The following COBLL1 variants were observed in gnomAD, a reference collection of about 807,000 sequenced individuals.
The protein encoded by COBLL1 is cordon-bleu WH2 repeat protein like 1.
A neutral mutation model predicts 94.8 loss-of-function variants in COBLL1; 50 were observed. The observed-to-expected ratio is 0.53, with a 90% CI of 0.42 to 0.67. The LOEUF (loss-of-function observed/expected upper bound fraction) is 0.67. Ranked by LOEUF, COBLL1 falls within the 30% of genes least tolerant of loss-of-function variation. The pLI is 0.00. For synonymous variants in COBLL1, 448 were observed against 473.8 expected, an observed-to-expected ratio of 0.95 and a Z score of 0.71; for missense variants, 1,362 against 1,348.7, an observed-to-expected ratio of 1.01 and a Z score of -0.15.
At chr2:164,708,772 C>A (rs1380659962) in intron 7 of COBLL1, among the ~76,000 whole-genome samples, 1 of 152,192 alleles carries the variant, frequency 6.6e-6, no homozygotes, top group African/African-American at 2.4e-5. Flanking sequence ...TAAGTGGTAG[C>A]TTAAAGCATG....
At position 164,688,014 on chromosome 2, in the gene COBLL1, T is replaced by A. The variant is rs568761228; in HGVS notation, c.3301-1982A>T. On this transcript the variant is annotated intron_variant, in intron 13 of 13. Coordinates refer to ENST00000652658, the MANE Select transcript of COBLL1 (RefSeq NM_001365672.2). ...ACAAATAATGAACAAATAAGCTACG[T>A]CACATTCATAAAGTCAAATACTATG... is the stretch of plus-strand genomic sequence containing the variant. 2.0e-5 allele frequency among the ~76,000 whole-genome samples: 3 copies of A among 152,220 alleles called. No individual in the cohort carries two copies. In the East Asian group the frequency reaches 5.8e-4, roughly 29 times the overall value.
intron 2 of COBLL1, among the ~76,000 whole-genome samples, chr2:164,789,158 G>C (rs929924297): frequency 7.2e-5 from 11 of 151,856 alleles, no homozygotes; most frequent in Non-Finnish European, 1.6e-4. Context: ...GCCTGGACAA[G>C]TCCTGGACTC....
chr2:164,766,837 T>C (rs777947753), intron 2 of COBLL1, among the ~76,000 whole-genome samples: 1 of 152,166 alleles, frequency 6.6e-6, no homozygotes, highest in Non-Finnish European at 1.5e-5. Flanking sequence ...CCAACAGATA[T>C]TCAAGAACCA....
rs1032371843 is a variant in COBLL1 at position 164,683,646 on chromosome 2, C to A, written c.*2300G>T. ...AGTCTTTCTTGGTTCCCACAGGTAA[C>A]CACCAGCAAATTTTTTTCCTACATA... is the stretch of plus-strand genomic sequence containing the variant. On this transcript the variant is annotated 3_prime_UTR_variant, in exon 14 of 14. Coordinates refer to ENST00000652658, the MANE Select transcript of COBLL1 (RefSeq NM_001365672.2). 6.6e-6 allele frequency: 1 copy of A among 152,054 alleles called. No individual in the cohort carries two copies. The highest frequency in any genetic ancestry group is 2.4e-5 in the African/African-American group (1 of 41,416). The allele number at this position is 152,054 out of a possible 1,614,324, so 9.4% of individuals were successfully genotyped here.
chr2:164,746,830 C>A (rs1266608665), intron 2 of COBLL1, among the ~76,000 whole-genome samples: 1 of 152,118 alleles, frequency 6.6e-6, no homozygotes, highest in Non-Finnish European at 1.5e-5. Flanking sequence ...TTTCCTTGAA[C>A]ACATCCAGAA....
chr2:164,694,176 G>A (rs1034104534), intron 12 of COBLL1, 93 bp downstream of exon 12: 18 of 1,230,592 alleles, frequency 1.5e-5, no homozygotes, highest in African/African-American at 7.6e-5. Flanking sequence ...TGAGTTCAGA[G>A]TTAAGTAGCA....
intron 3 of COBLL1, among the ~76,000 whole-genome samples, chr2:164,732,116 C>A (rs1251059397): frequency 6.6e-6 from 1 of 151,998 alleles, no homozygotes; most frequent in Non-Finnish European, 1.5e-5. Context: ...CCTTCTCCCC[C>A]ACATACAAGT....
At chr2:164,690,412 G>A (rs1683531687) in intron 13 of COBLL1, among the ~76,000 whole-genome samples, 1 of 152,102 alleles carries the variant, frequency 6.6e-6, no homozygotes, top group South Asian at 2.1e-4. Flanking sequence ...ACAATTATAG[G>A]ATAATCATTT....
intron 2 of COBLL1, among the ~76,000 whole-genome samples, chr2:164,755,390 T>C (rs1216077314): frequency 6.6e-6 from 1 of 152,190 alleles, no homozygotes; most frequent in African/African-American, 2.4e-5. Flanking sequence ...CATTTTTGAT[T>C]AGTACATTAC....
intron 2 of COBLL1, among the ~76,000 whole-genome samples, chr2:164,835,409 A>C (rs568497271): frequency 3.3e-5 from 5 of 152,216 alleles, no homozygotes; most frequent in African/African-American, 1.2e-4. Context: ...AAAAAAAGAC[A>C]GACTTTGATC....
At chr2:164,819,180 A>G (rs1055333235) in intron 2 of COBLL1, among the ~76,000 whole-genome samples, 1 of 151,966 alleles carries the variant, frequency 6.6e-6, no homozygotes, top group Non-Finnish European at 1.5e-5. Context: ...AATTGTCTCT[A>G]TAATAATAAT....
At chr2:164,836,038 C>A (rs1035086025) in intron 2 of COBLL1, among the ~76,000 whole-genome samples, 7 of 151,944 alleles carry the variant, frequency 4.6e-5, no homozygotes, top group African/African-American at 1.2e-4. Flanking sequence ...AATATAAGGT[C>A]ATAATATTGT....
intron 13 of COBLL1, chr2:164,687,244 T>C: frequency 2.5e-6 from 1 of 400,206 alleles, no homozygotes. Context: ...GAAGTAGAAT[T>C]TATTGGTTAG....
intron 11 of COBLL1, 47 bp from the exon 12 acceptor site, chr2:164,695,883 A>T: frequency 1.4e-6 from 2 of 1,450,278 alleles, no homozygotes; most frequent in Middle Eastern, 2.5e-4. Flanking sequence ...GAAGTAGAAA[A>T]CCTCAAGTTT....
chr2:164,736,366 T>G (rs74941438), intron 3 of COBLL1, among the ~76,000 whole-genome samples: 1,588 of 152,282 alleles, frequency 0.01, 23 homozygotes, highest in African/African-American at 0.036. Flanking sequence ...AGACCCATTC[T>G]CAAAATTGAG....
chr2:164,716,662 C>T (rs1685185830), intron 7 of COBLL1, among the ~76,000 whole-genome samples: 3 of 152,106 alleles, frequency 2.0e-5, no homozygotes, highest in Non-Finnish European at 4.4e-5. Context: ...AAATCATTTG[C>T]TAACTTGGAT....
chr2:164,818,299 TATGTATACATATAC>T (rs1684922378), intron 2 of COBLL1, among the ~76,000 whole-genome samples: 1 of 142,018 alleles, frequency 7.0e-6, no homozygotes, highest in Non-Finnish European at 1.5e-5. Flanking sequence ...TATGTATACA[TATGTATACATATAC>T]ACGTGTGTAT....
chr2:164,841,277 G>C lies in COBLL1; in HGVS notation c.-50-31C>G, dbSNP rs1396822252. 8.2e-7 allele frequency: 1 copy of C among 1,220,306 alleles called. No homozygotes were observed. Among genetic ancestry groups the C allele is most frequent in the East Asian group, 3.3e-5 (1 of 30,654 alleles). 75.6% of individuals were successfully genotyped at this position (1,220,306 alleles called of 1,614,324 possible). A position where few individuals can be genotyped will look rare whatever the true frequency, so the allele number is the denominator to read the frequency against. On this transcript the variant is annotated intron_variant, in intron 1 of 13. Transcript: ENST00000652658. This position sits in a 1 kb window ranked among gnomAD's most constrained non-coding sequence, Gnocchi z 5.5. Reference sequence around the variant, plus strand: ...GTGGGAGAGGCCGGCGGGTCAGGGCGGGACGCGCGCCTTCCCGAGGCCGGA... The same window carrying C: ...GTGGGAGAGGCCGGCGGGTCAGGGCCGGACGCGCGCCTTCCCGAGGCCGGA...
In COBLL1 at chr2:164,685,593, A is replaced by C. The variant is rs1683235376; in HGVS notation, c.*353T>G. ...CTAGTTGTATGTCATACAAATATAAAGTCTATGAATCTTATACTTTTGTCT... is the reference window on the plus strand; with the variant it reads ...CTAGTTGTATGTCATACAAATATAACGTCTATGAATCTTATACTTTTGTCT... On this transcript the variant is annotated 3_prime_UTR_variant, in exon 14 of 14. Transcript: ENST00000652658. The C allele has an allele frequency of 6.1e-6, 1 of 162,680 alleles. No homozygotes were observed. Among genetic ancestry groups the C allele is most frequent in the Non-Finnish European group, 1.3e-5 (1 of 75,058 alleles). The allele number at this position is 162,680 out of a possible 1,614,324, so 10.1% of individuals were successfully genotyped here.
Sources: allele counts gnomAD v4.1 joint callset (sites outside exome capture counted in the v4.1 genomes callset), GRCh38; gene constraint gnomAD v4.1.1; non-coding constraint Gnocchi (gnomAD v3.1); transcripts MANE v1.5; gene names NCBI Gene and HGNC (gene_info 2026-07-23, HGNC 2026-07-21).